TMEFF2: variants seen among roughly 807,000 people sequenced by gnomAD.
TMEFF2 encodes the protein tomoregulin-2.
TMEFF2 carries 28 observed loss-of-function variants against 53.8 expected under a neutral mutation model. The ratio of observed to expected loss-of-function variants is 0.52; its 90% confidence interval spans 0.39 to 0.71. The LOEUF (loss-of-function observed/expected upper bound fraction) is 0.71. TMEFF2 is among the 30% of genes least tolerant of loss of function. The pLI is 0.00. For missense variants in TMEFF2, 353 were observed against 455.2 expected, an observed-to-expected ratio of 0.78 and a Z score of 2.04; for synonymous variants, 162 against 166.3, an observed-to-expected ratio of 0.97 and a Z score of 0.20.
intron 7 of TMEFF2, 45 bp from the exon 8 acceptor site, chr2:191,956,423 C>T: frequency 6.3e-7 from 1 of 1,590,538 alleles, no homozygotes; most frequent in Non-Finnish European, 8.5e-7. Context: ...AATACTTAGC[C>T]TGGTAAGATC....
intron 5 of TMEFF2, among the ~76,000 whole-genome samples, chr2:192,011,597 A>C (rs1686627190): frequency 6.6e-6 from 1 of 152,246 alleles, no homozygotes; most frequent in Non-Finnish European, 1.5e-5. Context: ...TGCTACAGGA[A>C]TATAATATGT....
At chr2:191,988,211 T>G (rs111538348) in intron 7 of TMEFF2, among the ~76,000 whole-genome samples, 5 of 152,220 alleles carry the variant, frequency 3.3e-5, no homozygotes, top group South Asian at 2.1e-4. Context: ...GGACACTTTA[T>G]TAAAACCATC....
At chr2:191,953,543 A>G (rs942137316) in intron 9 of TMEFF2, 136 bp downstream of exon 9, 9 of 885,484 alleles carry the variant, frequency 1.0e-5, no homozygotes, top group Non-Finnish European at 1.3e-5. Flanking sequence ...AAATACTCTT[A>G]TGCTAAGGAC....
intron 5 of TMEFF2, chr2:192,034,578 A>G (rs1363028578): frequency 6.6e-6 from 1 of 152,204 alleles, no homozygotes; most frequent in Non-Finnish European, 1.5e-5. Flanking sequence ...CTTTCTAAAT[A>G]TATTCTTCTT....
rs1320623465 is a variant in TMEFF2 at position 191,950,088 on chromosome 2, T to TTTA, written c.*222_*223insTAA. On this transcript the variant is annotated 3_prime_UTR_variant, in exon 10 of 10. Transcript: ENST00000272771. Reference sequence around the variant, plus strand: ...AAAGAAAAAACTATATTGTGTGATATAAATAGTTTATTTACATTACAGAAA... The same window carrying TTTA: ...AAAGAAAAAACTATATTGTGTGATATTTAAAATAGTTTATTTACATTACAGAAA... 1 of 1,290,500 alleles carries TTTA rather than the reference T, an allele frequency of 7.7e-7. No individual in the cohort carries two copies. Among genetic ancestry groups the TTTA allele is most frequent in the Non-Finnish European group, 9.9e-7 (1 of 1,011,140 alleles). The allele number at this position is 1,290,500 out of a possible 1,614,324, so 79.9% of individuals were successfully genotyped here. A position where few individuals can be genotyped will look rare whatever the true frequency, so the allele number is the denominator to read the frequency against.
intron 7 of TMEFF2, among the ~76,000 whole-genome samples, chr2:191,971,068 C>T (rs925686990): frequency 2.6e-5 from 4 of 152,098 alleles, no homozygotes; most frequent in African/African-American, 9.7e-5. Context: ...TTGCTTCTGG[C>T]ACTTCCTTAA....
At chr2:192,055,479 A>G (rs1009030707) in intron 5 of TMEFF2, among the ~76,000 whole-genome samples, 12 of 152,136 alleles carry the variant, frequency 7.9e-5, no homozygotes, top group Admixed American at 6.5e-5. Flanking sequence ...TTTTTTAAAA[A>G]CCATACATTT....
chr2:192,126,981 A>T lies in TMEFF2; in HGVS notation c.439+52687T>A, dbSNP rs1574396391. 2.6e-5 allele frequency among the ~76,000 whole-genome samples: 4 copies of T among 152,354 alleles called. No homozygotes were observed. The Middle Eastern group carries it at 0.014, about 518-fold the overall frequency. On this transcript the variant is annotated intron_variant, in intron 4 of 9. Transcript: ENST00000272771. ...TTAGAATTTTGTTGTTTTGCTATGTAACTTAGAACTGATATTTAATTATGT... is the reference window on the plus strand; with the variant it reads ...TTAGAATTTTGTTGTTTTGCTATGTTACTTAGAACTGATATTTAATTATGT...
chr2:192,032,004 T>C (rs1345110875), intron 5 of TMEFF2: 1 of 152,218 alleles, frequency 6.6e-6, no homozygotes, highest in Non-Finnish European at 1.5e-5. Context: ...ACAAATACTT[T>C]AACAGTTAAA....
chr2:192,153,500 G>A (rs557435155), intron 4 of TMEFF2, among the ~76,000 whole-genome samples: 88 of 151,866 alleles, frequency 5.8e-4, no homozygotes, highest in Non-Finnish European at 4.6e-4. Context: ...TCAGGTACCA[G>A]GGTCAACTTT....
At chr2:191,985,936 C>T (rs1327438164) in intron 7 of TMEFF2, among the ~76,000 whole-genome samples, 1 of 152,118 alleles carries the variant, frequency 6.6e-6, no homozygotes, top group Admixed American at 6.6e-5. Context: ...CCTGTCCTTC[C>T]CAGAAGAATG....
At chr2:192,076,178 T>G (rs992758469) in intron 4 of TMEFF2, among the ~76,000 whole-genome samples, 1 of 152,060 alleles carries the variant, frequency 6.6e-6, no homozygotes. Flanking sequence ...TTTTTCCAAC[T>G]TAGTATTTAT....
At chr2:191,999,297 G>T in intron 5 of TMEFF2, 89 bp from the exon 6 acceptor site, 1 of 1,218,810 alleles carries the variant, frequency 8.2e-7, no homozygotes. Flanking sequence ...TTGCTAAGTT[G>T]ACAAAATGCA....
At chr2:191,970,016 A>G (rs373457240) in intron 7 of TMEFF2, among the ~76,000 whole-genome samples, 133 of 152,310 alleles carry the variant, frequency 8.7e-4, no homozygotes, top group African/African-American at 3.0e-3. Flanking sequence ...GGTATTTCTC[A>G]ATCATCTATT....
At chr2:192,071,978 T>C (rs2105916522) in intron 4 of TMEFF2, among the ~76,000 whole-genome samples, 1 of 152,006 alleles carries the variant, frequency 6.6e-6, no homozygotes, top group East Asian at 1.9e-4. Context: ...AAAGGTGGCA[T>C]AGGCAAATAG....
intron 4 of TMEFF2, among the ~76,000 whole-genome samples, chr2:192,068,931 A>G (rs1455028264): frequency 6.6e-6 from 1 of 151,678 alleles, no homozygotes; most frequent in Non-Finnish European, 1.5e-5. Flanking sequence ...AATTGCCTGT[A>G]ATATTTTCCA....
At chr2:192,102,068 C>T (rs1689042807) in intron 4 of TMEFF2, among the ~76,000 whole-genome samples, 1 of 151,982 alleles carries the variant, frequency 6.6e-6, no homozygotes, top group Non-Finnish European at 1.5e-5. Context: ...TTTGGCGTGA[C>T]TAAGCTACAA....
chr2:191,996,788 A>T (rs1184336334), intron 7 of TMEFF2, among the ~76,000 whole-genome samples: 1 of 151,886 alleles, frequency 6.6e-6, no homozygotes, highest in Non-Finnish European at 1.5e-5. Context: ...TGTGAATGAA[A>T]TGATAAAATT....
chr2:192,179,821 A>G, intron 3 of TMEFF2, 127 bp from the exon 4 acceptor site: 1 of 724,544 alleles, frequency 1.4e-6, no homozygotes, highest in South Asian at 3.6e-5. Flanking sequence ...CTAATATTTA[A>G]TCCAAAAACG....
Sources: allele counts gnomAD v4.1 joint callset (sites outside exome capture counted in the v4.1 genomes callset), GRCh38; gene constraint gnomAD v4.1.1; transcripts MANE v1.5; gene names NCBI Gene and HGNC (gene_info 2026-07-23, HGNC 2026-07-21).